The following ATP10B variants were observed in gnomAD, a reference collection of about 807,000 sequenced individuals.
ATP10B encodes the protein ATPase phospholipid transporting 10B (putative), also known as phospholipid-transporting ATPase VB.
In ATP10B, 122 loss-of-function variants were observed where a neutral mutation model predicts 141.2. The observed-to-expected ratio is 0.86, with a 90% CI of 0.75 to 1.00. The LOEUF is 1.00. ATP10B is among the 50% of genes least tolerant of loss of function. ATP10B has a pLI of 0.00. For missense variants in ATP10B, 1,876 were observed against 1,825.3 expected (o/e 1.03, Z -0.51); for synonymous variants, 685 against 692.0 (o/e 0.99, Z 0.16).
intron 1 of ATP10B, among the ~76,000 whole-genome samples, chr5:160,805,622 C>T (rs150105424): frequency 6.0e-4 from 91 of 152,158 alleles, no homozygotes; most frequent in Middle Eastern, 3.4e-3. Flanking sequence ...TGTCTCGCCG[C>T]CTGCCTGCCA....
intron 2 of ATP10B, among the ~76,000 whole-genome samples, chr5:160,720,514 T>C (rs1325690832): frequency 1.3e-5 from 2 of 152,246 alleles, no homozygotes; most frequent in Non-Finnish European, 2.9e-5. Context: ...TTACAACTTT[T>C]CTTATGAGTC....
intron 2 of ATP10B, among the ~76,000 whole-genome samples, chr5:160,746,655 A>T (rs980174715): frequency 6.6e-6 from 1 of 152,062 alleles, no homozygotes; most frequent in Non-Finnish European, 1.5e-5. Context: ...GCCTCCCAAA[A>T]TGCTGGGATT....
At position 160,620,591 on chromosome 5, in the gene ATP10B, CTCA is replaced by C; in HGVS notation, c.2169_2171del (p.Asp723del). ...CATGGGCAGCGTGCACCAGGGCGGC[CTCA>C]TCAGGGCTCTCAGCCTCGTAACAGA... On this transcript the variant is annotated inframe_deletion, in exon 15 of 26. Coordinates refer to ENST00000327245, the MANE Select transcript of ATP10B (RefSeq NM_025153.3). The C allele has an allele frequency of 6.2e-7, 1 of 1,613,782 alleles. No individual in the cohort carries two copies. The highest frequency in any genetic ancestry group is 1.3e-5 in the African/African-American group (1 of 75,064).
At position 160,685,122 on chromosome 5, in the gene ATP10B, G is replaced by T. The variant is rs1029051957; in HGVS notation, c.470+957C>A. The T allele has an allele frequency of 7.1e-6, 5 of 702,474 alleles. No individual in the cohort carries two copies. The African/African-American group carries it at 8.7e-5, about 12-fold the overall frequency. 43.5% of individuals were successfully genotyped at this position (702,474 alleles called of 1,614,324 possible). On this transcript the variant is annotated intron_variant, in intron 6 of 25. Coordinates refer to ENST00000327245, the MANE Select transcript of ATP10B (RefSeq NM_025153.3). ...GATTCCCACGATGATGTCTGTTGGG[G>T]TTCTCTTTGTGAGACCATCCTTCAA...
chr5:160,797,415 T>C (rs1012227201), intron 1 of ATP10B, among the ~76,000 whole-genome samples: 1 of 152,230 alleles, frequency 6.6e-6, no homozygotes, highest in African/African-American at 2.4e-5. Context: ...TTGTTTATTG[T>C]GAGTTGCTTC....
At chr5:160,626,747 G>A (rs1758633316) in intron 13 of ATP10B, among the ~76,000 whole-genome samples, 1 of 152,206 alleles carries the variant, frequency 6.6e-6, no homozygotes, top group Admixed American at 6.5e-5. Context: ...ACCACAGTTG[G>A]AGTAGCAAGG....
intron 2 of ATP10B, among the ~76,000 whole-genome samples, chr5:160,772,226 G>C (rs747967537): frequency 6.6e-6 from 1 of 152,186 alleles, no homozygotes; most frequent in African/African-American, 2.4e-5. Flanking sequence ...ACTAATCAAC[G>C]TTTCTAATAA....
chr5:160,906,791 G>A, the ATP10B span, among the ~76,000 whole-genome samples: 8 of 152,158 alleles, frequency 5.3e-5, no homozygotes, highest in African/African-American at 1.7e-4. Flanking sequence ...ATCTTGTGAC[G>A]ATAAGGTACA....
intron 4 of ATP10B, among the ~76,000 whole-genome samples, chr5:160,688,519 C>T (rs139386339): frequency 1.1e-3 from 168 of 152,272 alleles, no homozygotes; most frequent in African/African-American, 3.8e-3. Flanking sequence ...AAGACTAGCT[C>T]TGGTTCAGTC....
chr5:160,855,943 T>C (rs1047990975), upstream of ATP10B, among the ~76,000 whole-genome samples: 3 of 151,900 alleles, frequency 2.0e-5, no homozygotes, highest in Admixed American at 2.0e-4. Flanking sequence ...TTCTTCTCCA[T>C]TGTTTATACC....
intron 7 of ATP10B, among the ~76,000 whole-genome samples, chr5:160,654,719 A>G (rs985842042): frequency 3.9e-5 from 6 of 152,118 alleles, no homozygotes; most frequent in Non-Finnish European, 7.4e-5. Context: ...CATCATCATC[A>G]TCACCTTTTA....
At chr5:160,841,534 G>A (rs533361399) in intron 1 of ATP10B, among the ~76,000 whole-genome samples, 6 of 151,966 alleles carry the variant, frequency 3.9e-5, no homozygotes, top group Non-Finnish European at 7.4e-5. Context: ...GTAGTTTAAT[G>A]TTCTCTATAT....
At chr5:160,880,227 A>AATATT in the ATP10B span, among the ~76,000 whole-genome samples, 3 of 8,304 alleles carry the variant, frequency 3.6e-4, no homozygotes, top group Non-Finnish European at 2.0e-3. Context: ...ATATAAATAA[A>AATATT]ATATAAATAT....
chr5:160,718,812 T>C (rs1765805695), intron 2 of ATP10B, among the ~76,000 whole-genome samples: 1 of 152,120 alleles, frequency 6.6e-6, no homozygotes, highest in African/African-American at 2.4e-5. Context: ...CCACCTCCCA[T>C]ACTGCTACAC....
At chr5:160,606,641 CCTCT>C (rs898071274) in intron 19 of ATP10B, 120 bp downstream of exon 19, 4 of 940,078 alleles carry the variant, frequency 4.3e-6, no homozygotes. Flanking sequence ...GAACTCTCTC[CCTCT>C]AAGACAATGA....
upstream of ATP10B, among the ~76,000 whole-genome samples, chr5:160,852,992 AT>A: frequency 6.6e-6 from 1 of 152,286 alleles, no homozygotes; most frequent in East Asian, 1.9e-4. Flanking sequence ...TTTACATAAG[AT>A]TTTGGTTGGT....
intron 24 of ATP10B, among the ~76,000 whole-genome samples, chr5:160,570,679 T>TC (rs1436531447): frequency 6.6e-6 from 1 of 152,210 alleles, no homozygotes; most frequent in African/African-American, 2.4e-5. Context: ...TGGTCAGTAT[T>TC]CACTAAGATC....
At position 160,810,115 on chromosome 5, in the gene ATP10B, T is replaced by C. The variant is rs144119229; in HGVS notation, c.-575-24312A>G. On this transcript the variant is annotated intron_variant, in intron 1 of 25. Coordinates refer to ENST00000327245, the MANE Select transcript of ATP10B (RefSeq NM_025153.3). ...AGGAGTAAGTTTGGTTTGTGTCTTT[T>C]TAGAAAATGAATTATTTACCTTTTA... 7.0e-3 allele frequency among the ~76,000 whole-genome samples: 1,068 copies of C among 152,276 alleles called. 18 individuals are homozygous for C. Among genetic ancestry groups the C allele is most frequent in the African/African-American group, 0.024 (1,007 of 41,574 alleles).
At chr5:160,730,966 G>C (rs1766694676) in intron 2 of ATP10B, among the ~76,000 whole-genome samples, 1 of 152,204 alleles carries the variant, frequency 6.6e-6, no homozygotes, top group Non-Finnish European at 1.5e-5. Flanking sequence ...TCTGAGACCT[G>C]GTTCAGCCAT....
Sources: allele counts gnomAD v4.1 joint callset (sites outside exome capture counted in the v4.1 genomes callset), GRCh38; gene constraint gnomAD v4.1.1; transcripts MANE v1.5; gene names NCBI Gene and HGNC (gene_info 2026-07-23, HGNC 2026-07-21).